Variants in FAM114A2 observed in about 807,000 individuals in gnomAD.
FAM114A2 encodes the protein family with sequence similarity 114 member A2, also known as protein FAM114A2.
In FAM114A2, 53 loss-of-function variants were observed where a neutral mutation model predicts 58.4. The observed-to-expected ratio is 0.91, with a 90% CI of 0.73 to 1.14. The LOEUF (loss-of-function observed/expected upper bound fraction) is 1.14. Among genes scored for constraint, FAM114A2 ranks in the 50% most tolerant of loss-of-function variants. The pLI, the probability that FAM114A2 is intolerant of heterozygous loss-of-function variation, is 0.00. For synonymous variants in FAM114A2, 228 were observed against 211.4 expected (o/e 1.08, Z -0.68); for missense variants, 601 against 581.1 (o/e 1.03, Z -0.35).
chr5:154,005,371 A>G (rs1423883423), intron 9 of FAM114A2, among the ~76,000 whole-genome samples: 3 of 152,206 alleles, frequency 2.0e-5, no homozygotes, highest in African/African-American at 4.8e-5. Context: ...TAAGTGGTGC[A>G]TAGATTAAAA....
chr5:154,011,969 T>C (rs1232834359), intron 8 of FAM114A2, among the ~76,000 whole-genome samples: 1 of 152,166 alleles, frequency 6.6e-6, no homozygotes, highest in Non-Finnish European at 1.5e-5. Flanking sequence ...ATTCAAACTT[T>C]ATAATGAGGA....
At chr5:154,000,292 C>A (rs894628981) in intron 11 of FAM114A2, among the ~76,000 whole-genome samples, 1 of 152,056 alleles carries the variant, frequency 6.6e-6, no homozygotes, top group African/African-American at 2.4e-5. Context: ...TGTTTGATAG[C>A]AGAATAGGGT....
Position 153,993,120 on chromosome 5 carries a change from T to C in FAM114A2, c.1384-10A>G. On this transcript the variant is annotated splice_polypyrimidine_tract_variant and intron_variant, in intron 13 of 13. Coordinates refer to ENST00000351797, the MANE Select transcript of FAM114A2 (RefSeq NM_018691.4). ...AGGCACTGTTTGATGCCTGCCAGGATTGAAAAAACAAGAAAAAGAAAATAT... is the reference window on the plus strand; with the variant it reads ...AGGCACTGTTTGATGCCTGCCAGGACTGAAAAAACAAGAAAAAGAAAATAT... 2 of 1,597,170 alleles carry C rather than the reference T, an allele frequency of 1.3e-6. No homozygotes were observed. The highest frequency in any genetic ancestry group is 1.3e-5 in the African/African-American group (1 of 74,150).
chr5:153,993,181 C>T, intron 13 of FAM114A2, 71 bp from the exon 14 acceptor site: 1 of 1,305,040 alleles, frequency 7.7e-7, no homozygotes, highest in Non-Finnish European at 1.0e-6. Flanking sequence ...TGTAAGGCAA[C>T]AGGGGAACAG....
chr5:154,002,758 G>C (rs1770072603), intron 10 of FAM114A2, 89 bp downstream of exon 10: 1 of 1,272,130 alleles, frequency 7.9e-7, no homozygotes, highest in Non-Finnish European at 1.1e-6. Context: ...ATTACGGACA[G>C]CAGTGTAAAA....
intron 11 of FAM114A2, among the ~76,000 whole-genome samples, chr5:154,001,462 T>C (rs1416840748): frequency 1.3e-5 from 2 of 152,124 alleles, no homozygotes; most frequent in African/African-American, 4.8e-5. Context: ...CTCTCATCCT[T>C]AAGGAAGTTC....
chr5:154,036,246 A>AT (rs1772549227), intron 1 of FAM114A2: 1 of 152,046 alleles, frequency 6.6e-6, no homozygotes, highest in South Asian at 2.1e-4. Flanking sequence ...TCCTACCTCA[A>AT]TTTTTCCAGG....
intron 10 of FAM114A2, 121 bp from the exon 11 acceptor site, chr5:154,002,511 T>A: frequency 1.0e-6 from 1 of 1,003,096 alleles, no homozygotes; most frequent in Non-Finnish European, 1.4e-6. Flanking sequence ...CAATAAAGAG[T>A]GTCTTCTTCT....
intron 9 of FAM114A2, among the ~76,000 whole-genome samples, chr5:154,009,468 C>T (rs957280120): frequency 6.6e-6 from 1 of 152,158 alleles, no homozygotes; most frequent in African/African-American, 2.4e-5. Flanking sequence ...TAAATCTTCA[C>T]ATTAAATATT....
chr5:154,014,438 T>C (rs547886660), intron 8 of FAM114A2, among the ~76,000 whole-genome samples: 9 of 152,212 alleles, frequency 5.9e-5, no homozygotes, highest in Admixed American at 3.3e-4. Context: ...AGGAAGTGGA[T>C]TGCTCCTGCA....
chr5:154,000,879 A>C (rs1390331155), intron 11 of FAM114A2, among the ~76,000 whole-genome samples: 1 of 152,232 alleles, frequency 6.6e-6, no homozygotes, highest in Non-Finnish European at 1.5e-5. Flanking sequence ...TGTATTAATT[A>C]ATTCTCAGTT....
At chr5:154,010,596 T>G (rs1770626214) in intron 9 of FAM114A2, among the ~76,000 whole-genome samples, 1 of 151,900 alleles carries the variant, frequency 6.6e-6, no homozygotes, top group African/African-American at 2.4e-5. Flanking sequence ...TTGGTAGAGG[T>G]GGGTAAAGAG....
At chr5:153,996,463 AAAATTTC>A (rs1769560333) in intron 12 of FAM114A2, among the ~76,000 whole-genome samples, 1 of 152,260 alleles carries the variant, frequency 6.6e-6, no homozygotes, top group South Asian at 2.1e-4. Flanking sequence ...ACAGAGGAGT[AAAATTTC>A]ACTGCAAAGG....
Position 153,996,569 on chromosome 5 carries a change from TAAA to T in FAM114A2, c.1329+1231_1329+1233del, listed in dbSNP as rs199965680. ...GATAAGAAACTTGTACTAGGAAAAT[TAAA>T]AAAAAAAAAAAAAATCTCCTACAAG... On this transcript the variant is annotated intron_variant, in intron 12 of 13. Transcript: ENST00000351797. Among the ~76,000 whole-genome samples, 943 of 143,012 alleles carry T rather than the reference TAAA, an allele frequency of 6.6e-3. 8 individuals are homozygous for T. Among genetic ancestry groups the T allele is most frequent in the African/African-American group, 0.015 (590 of 38,948 alleles). 93.8% of individuals were successfully genotyped at this position (143,012 alleles called of 152,430 possible).
chr5:154,019,706 T>C (rs950391780), intron 8 of FAM114A2, among the ~76,000 whole-genome samples: 4 of 152,054 alleles, frequency 2.6e-5, no homozygotes, highest in Admixed American at 1.3e-4. Context: ...TAGAACAGAA[T>C]AGAGAACCCA....
chr5:153,992,980 T>G lies in FAM114A2; in HGVS notation c.1514A>C (p.His505Pro), dbSNP rs764847212. The G allele has an allele frequency of 6.2e-7, 1 of 1,610,776 alleles. No individual in the cohort carries two copies. Among genetic ancestry groups the G allele is most frequent in the South Asian group, 1.1e-5 (1 of 90,450 alleles). Residue 505 changes from histidine to proline, a missense_variant, in exon 14 of 14, where the codon CAT becomes CCT. By Grantham distance (77) the His-to-Pro change is moderately conservative. Transcript: ENST00000351797. ...ELQGQKPLLEH is the reference protein window; with the variant it reads ...ELQGQKPLLEP ...AGGTCAAAACGTCTCCATTCTTCAA[T>G]GTTCTAACAAAGGTTTCTGGCCCTG...
chr5:154,003,864 TAC>T (rs1386080183), intron 9 of FAM114A2, among the ~76,000 whole-genome samples: 3 of 152,250 alleles, frequency 2.0e-5, no homozygotes, highest in African/African-American at 4.8e-5. Flanking sequence ...TCATTTTATA[TAC>T]AGTCATGCAC....
At chr5:154,002,147 G>GT in intron 11 of FAM114A2, 104 bp downstream of exon 11, 1 of 1,023,448 alleles carries the variant, frequency 9.8e-7, no homozygotes. Context: ...GTGGATGGGT[G>GT]TGACGTGAAT....
intron 6 of FAM114A2, chr5:154,027,678 T>G (rs1014399937): frequency 5.1e-6 from 1 of 197,738 alleles, no homozygotes; most frequent in Non-Finnish European, 1.0e-5. Context: ...TTTTGGTATT[T>G]TTAGAAGAGA....
Sources: allele counts gnomAD v4.1 joint callset (sites outside exome capture counted in the v4.1 genomes callset), GRCh38; gene constraint gnomAD v4.1.1; transcripts MANE v1.5; gene names NCBI Gene and HGNC (gene_info 2026-07-23, HGNC 2026-07-21).